The following IL1RAPL2 variants were observed in gnomAD, a reference collection of about 807,000 sequenced individuals.
The protein encoded by IL1RAPL2 is X-linked interleukin-1 receptor accessory protein-like 2.
IL1RAPL2 carries 3 observed loss-of-function variants against 44.1 expected under a neutral mutation model. The ratio of observed to expected loss-of-function variants is 0.07; its 90% CI spans 0.03 to 0.18. IL1RAPL2 has a LOEUF of 0.18. Among genes scored for constraint, IL1RAPL2 ranks in the 10% least tolerant of loss-of-function variants. IL1RAPL2 has a pLI of 1.00. For missense variants in IL1RAPL2, 391 were observed against 496.4 expected (o/e 0.79, Z 2.02); for synonymous variants, 181 against 178.8 (o/e 1.01, Z -0.10).
chrX:105,426,060 A>G (rs1348247918), intron 5 of IL1RAPL2, among the ~76,000 whole-genome samples: 2 of 106,901 alleles, frequency 1.9e-5, no homozygotes, highest in African/African-American at 6.8e-5. Flanking sequence ...TCCCAGTAGA[A>G]TGTCAGATCC....
intron 3 of IL1RAPL2, among the ~76,000 whole-genome samples, chrX:105,208,834 T>C: frequency 8.9e-6 from 1 of 111,944 alleles, no homozygotes; most frequent in African/African-American, 3.2e-5. Context: ...TTTACATTAT[T>C]ATCTTTTACT....
At chrX:105,276,281 G>A (rs2034485631) in intron 5 of IL1RAPL2, among the ~76,000 whole-genome samples, 1 of 111,948 alleles carries the variant, frequency 8.9e-6, no homozygotes, top group Admixed American at 9.5e-5. Context: ...GGTGGCGAAT[G>A]CCTGTGGTCC....
At chrX:105,464,318 AG>A (rs2147767925) in intron 5 of IL1RAPL2, among the ~76,000 whole-genome samples, 1 of 111,849 alleles carries the variant, frequency 8.9e-6, no homozygotes, top group African/African-American at 3.2e-5. Context: ...GGGGAAACTG[AG>A]GCACAGAGTG....
intron 2 of IL1RAPL2, among the ~76,000 whole-genome samples, chrX:105,133,602 C>T (rs906405185): frequency 1.8e-5 from 2 of 111,436 alleles, no homozygotes; most frequent in African/African-American, 3.3e-5. Context: ...GTTCAGGCTG[C>T]TATAACAAAA....
chrX:105,631,379 A>C (rs1347886846), intron 6 of IL1RAPL2, among the ~76,000 whole-genome samples: 1 of 111,894 alleles, frequency 8.9e-6, no homozygotes, highest in Non-Finnish European at 1.9e-5. Context: ...GATTAGGCAT[A>C]TTTAATAGAT....
At chrX:105,237,442 C>G (rs992737923) in intron 4 of IL1RAPL2, among the ~76,000 whole-genome samples, 8 of 112,033 alleles carry the variant, frequency 7.1e-5, no homozygotes, top group Non-Finnish European at 1.3e-4. Flanking sequence ...AATGATTGAA[C>G]CAGTTTACAG....
chrX:105,349,441 T>C (rs2035136201), intron 5 of IL1RAPL2, among the ~76,000 whole-genome samples: 1 of 111,769 alleles, frequency 8.9e-6, no homozygotes, highest in Non-Finnish European at 1.9e-5. Context: ...TAAACATGTG[T>C]ACATGTTTCT....
intron 6 of IL1RAPL2, among the ~76,000 whole-genome samples, chrX:105,590,397 C>T (rs2147818106): frequency 9.1e-6 from 1 of 110,495 alleles, no homozygotes; most frequent in South Asian, 3.8e-4. Flanking sequence ...ATAGGATTTC[C>T]AGTACTATAT....
intron 2 of IL1RAPL2, among the ~76,000 whole-genome samples, chrX:104,914,307 G>A (rs1457025821): frequency 2.7e-5 from 3 of 112,031 alleles, no homozygotes; most frequent in Non-Finnish European, 5.6e-5. Flanking sequence ...GAAGGGTAAT[G>A]TGGGTTTGGA....
chrX:104,694,088 C>T (rs1602684210), intron 2 of IL1RAPL2, among the ~76,000 whole-genome samples: 1 of 111,960 alleles, frequency 8.9e-6, no homozygotes, highest in African/African-American at 3.2e-5. Flanking sequence ...GCACTTCTCG[C>T]TGTGATTTTA....
At chrX:105,495,332 T>C (rs2036349445) in intron 6 of IL1RAPL2, among the ~76,000 whole-genome samples, 1 of 112,005 alleles carries the variant, frequency 8.9e-6, no homozygotes, top group Non-Finnish European at 1.9e-5. Flanking sequence ...TGATACCAGT[T>C]CTAATGAAAA....
chrX:105,161,858 A>G (rs1185081970), intron 2 of IL1RAPL2, among the ~76,000 whole-genome samples: 1 of 112,045 alleles, frequency 8.9e-6, no homozygotes, highest in Non-Finnish European at 1.9e-5. Context: ...GGATTTAGTT[A>G]CTGGATGGCA....
At chrX:104,762,376 G>A (rs1472038770) in intron 2 of IL1RAPL2, among the ~76,000 whole-genome samples, 3 of 111,972 alleles carry the variant, frequency 2.7e-5, no homozygotes, top group Non-Finnish European at 3.8e-5. Flanking sequence ...TGATGCAAGA[G>A]GTGGGCTCCC....
chrX:105,497,879 A>G (rs1322771483), intron 6 of IL1RAPL2, among the ~76,000 whole-genome samples: 1 of 112,175 alleles, frequency 8.9e-6, no homozygotes, highest in African/African-American at 3.2e-5. Flanking sequence ...ACAAAATTCA[A>G]CAACCTTTCA....
At chrX:105,331,134 C>A in intron 5 of IL1RAPL2, among the ~76,000 whole-genome samples, 1 of 111,740 alleles carries the variant, frequency 8.9e-6, no homozygotes. Flanking sequence ...CATGTGACCT[C>A]AACCTATTTT....
intron 2 of IL1RAPL2, among the ~76,000 whole-genome samples, chrX:105,051,323 C>G (rs1402684489): frequency 1.8e-5 from 2 of 112,331 alleles, no homozygotes; most frequent in African/African-American, 6.5e-5. Flanking sequence ...GTGCAGGCTG[C>G]AGAGATGCAC....
chrX:104,661,010 A>T (rs752223592), intron 2 of IL1RAPL2, among the ~76,000 whole-genome samples: 1 of 111,016 alleles, frequency 9.0e-6, no homozygotes, highest in Non-Finnish European at 1.9e-5. Context: ...CACAGATGTC[A>T]TTAAAAGATC....
intron 1 of IL1RAPL2, among the ~76,000 whole-genome samples, chrX:104,597,292 C>T (rs1194382547): frequency 2.8e-5 from 3 of 105,469 alleles, no homozygotes; most frequent in Non-Finnish European, 3.9e-5. Context: ...TGCAGTGAGC[C>T]GAGATCAGGC....
intron 2 of IL1RAPL2, among the ~76,000 whole-genome samples, chrX:104,997,207 G>A (rs1456379672): frequency 1.8e-5 from 2 of 111,896 alleles, no homozygotes; most frequent in Non-Finnish European, 3.8e-5. Context: ...AAATTGACAT[G>A]TACCAAAGAT....
Sources: gnomAD v4.1 joint callset for allele counts (sites outside exome capture counted in the v4.1 genomes callset) on GRCh38, gnomAD v4.1.1 for gene constraint, MANE v1.5 for transcripts, NCBI Gene and HGNC (gene_info 2026-07-23, HGNC 2026-07-21) for gene names.